Variants in SEC31B observed in about 807,000 individuals in gnomAD.
SEC31B encodes the protein protein transport protein Sec31B.
SEC31B carries 113 observed loss-of-function variants against 135.0 expected under a neutral mutation model. That is an observed-to-expected ratio of 0.84 (90% CI 0.72 to 0.98). The LOEUF is 0.98. Ranked by LOEUF, SEC31B falls within the 50% of genes least tolerant of loss-of-function variation. The pLI, the probability that SEC31B is intolerant of heterozygous loss-of-function variation, is 0.00. For synonymous variants in SEC31B, 508 were observed against 549.4 expected (o/e 0.92, Z 1.05); for missense variants, 1,296 against 1,421.1 (o/e 0.91, Z 1.42).
chr10:100,509,881 C>A (rs576851604), intron 3 of SEC31B, among the ~76,000 whole-genome samples: 1 of 152,284 alleles, frequency 6.6e-6, no homozygotes, highest in African/African-American at 2.4e-5. Flanking sequence ...GTAATAATAG[C>A]AACCACTTAC....
At chr10:100,508,809 A>T (rs1851682062) in intron 5 of SEC31B, 198 bp downstream of exon 5, 1 of 594,218 alleles carries the variant, frequency 1.7e-6, no homozygotes, top group Non-Finnish European at 3.0e-6. Context: ...GCACAAACCA[A>T]CTACCCCATA....
At chr10:100,497,906 G>A in intron 15 of SEC31B, 113 bp from the exon 16 acceptor site, 2 of 1,586,700 alleles carry the variant, frequency 1.3e-6, no homozygotes, top group East Asian at 2.2e-5. Context: ...GATGAGGTGG[G>A]GGTGGTTAGA....
rs1384464922 is a variant in SEC31B, at chr10:100,499,561, T to G, written c.1448A>C (p.Lys483Thr). ...CTCATCTTTACTGTATCCTAAAAGC[T>G]TTAGGAATTTCATTCTGGAGTCTTG... Reference protein sequence around the residue: ...LEQDSRMKFLKLLGYSKDELQ... With the variant: ...LEQDSRMKFLTLLGYSKDELQ... The change falls in exon 12 of 26, where the codon AAG (lysine) becomes ACG (threonine). Residue 483 changes from lysine (K) to threonine (T), a missense_variant. Physicochemically the swap from Lys to Thr is moderately conservative, Grantham distance 78. Coordinates refer to ENST00000370345, the MANE Select transcript of SEC31B (RefSeq NM_015490.4). 1.2e-6 allele frequency: 2 copies of G among 1,612,472 alleles called. No individual in the cohort carries two copies. The highest frequency in any genetic ancestry group is 3.4e-5 in the Admixed American group (2 of 59,662).
At chr10:100,508,837 A>G (rs1589739228) in intron 5 of SEC31B, 170 bp downstream of exon 5, 1 of 618,468 alleles carries the variant, frequency 1.6e-6, no homozygotes. Flanking sequence ...TCCACCCACC[A>G]GCCATCCTAA....
In SEC31B at chr10:100,489,302, A is replaced by G; in HGVS notation, c.3121T>C (p.Ser1041Pro). Residue 1041 changes from serine (S) to proline (P), a missense_variant, in exon 23 of 26, where the codon TCC becomes CCC. Physicochemically the swap from Ser to Pro is moderately conservative, Grantham distance 74. Transcript: ENST00000370345. ...CCTGGGGGAGCATGACTCACACTGGAGACAGGGGGCTGTGAGGGAAGAATC... is the reference window on the plus strand; with the variant it reads ...CCTGGGGGAGCATGACTCACACTGGGGACAGGGGGCTGTGAGGGAAGAATC... ...QGILPSQPPV[S>P]SVSHAPPGVP... 1 of 1,613,442 alleles carries G rather than the reference A, an allele frequency of 6.2e-7. No individual in the cohort carries two copies. Among genetic ancestry groups the G allele is most frequent in the Non-Finnish European group, 8.5e-7 (1 of 1,179,826 alleles).
At chr10:100,512,912 C>G (rs748098397) in intron 3 of SEC31B, among the ~76,000 whole-genome samples, 4 of 152,166 alleles carry the variant, frequency 2.6e-5, no homozygotes, top group Non-Finnish European at 5.9e-5. Context: ...GCCCAAGTCA[C>G]ACAGCTCTAT....
rs116253722 is a variant in SEC31B at position 100,492,791 on chromosome 10, T to C, written c.2473-1908A>G. Among the ~76,000 whole-genome samples the C allele has an allele frequency of 9.9e-3, 1,504 of 152,270 alleles. 24 individuals carry two copies. Among genetic ancestry groups the C allele is most frequent in the African/African-American group, 0.034 (1,394 of 41,552 alleles). On this transcript the variant is annotated intron_variant, in intron 19 of 25. Coordinates refer to ENST00000370345, the MANE Select transcript of SEC31B (RefSeq NM_015490.4). The stretch of plus-strand genomic sequence containing the variant: ...AATGAACAAGTGGAAACCAAGAAAT[T>C]TGATTTTAAACTGCTGAAGAAAAAA...
rs1851920201 is a variant in SEC31B at position 100,519,784 on chromosome 10, G to C, written c.-48C>G. ...CCAGACCGGCGGGGCGAACCAACCT[G>C]TGCGGAAGACCCCGGACAAGGGTCA... is the stretch of plus-strand genomic sequence containing the variant. On this transcript the variant is annotated splice_region_variant and 5_prime_UTR_variant, in exon 1 of 26. Coordinates refer to ENST00000370345, the MANE Select transcript of SEC31B (RefSeq NM_015490.4). 6.6e-6 allele frequency: 1 copy of C among 152,288 alleles called. No individual in the cohort carries two copies. The highest frequency in any genetic ancestry group is 2.1e-4 in the South Asian group (1 of 4,834). 9.4% of individuals were successfully genotyped at this position (152,288 alleles called of 1,614,324 possible).
intron 8 of SEC31B, 25 bp from the exon 9 acceptor site, chr10:100,506,226 G>A (rs1056679029): frequency 1.9e-6 from 3 of 1,614,102 alleles, no homozygotes. Context: ...CACACCATTA[G>A]GGACAGTCCA....
At chr10:100,491,464 AT>A (rs1166045531) in intron 19 of SEC31B, among the ~76,000 whole-genome samples, 2 of 152,230 alleles carry the variant, frequency 1.3e-5, no homozygotes, top group African/African-American at 2.4e-5. Context: ...ACACATCAAT[AT>A]TTCTCATGAA....
intron 2 of SEC31B, among the ~76,000 whole-genome samples, chr10:100,516,575 G>A (rs1851851284): frequency 6.7e-6 from 1 of 149,584 alleles, no homozygotes; most frequent in South Asian, 2.1e-4. Flanking sequence ...CATGAACCCA[G>A]GAGGCGGAGC....
At chr10:100,501,536 G>C (rs1283676240) in intron 11 of SEC31B, 1 of 152,202 alleles carries the variant, frequency 6.6e-6, no homozygotes, top group Admixed American at 6.6e-5. Context: ...TATGCCTAAA[G>C]CTCAAATTTC....
At position 100,507,440 on chromosome 10, in the gene SEC31B, A is replaced by C. The variant is rs760656542; in HGVS notation, c.767T>G (p.Leu256Arg). 1 of 1,614,222 alleles carries C rather than the reference A, an allele frequency of 6.2e-7. No homozygotes were observed. Among genetic ancestry groups the C allele is most frequent in the South Asian group, 1.1e-5 (1 of 91,086 alleles). Residue 256 changes from leucine to arginine, a missense_variant, in exon 7 of 26, where the codon CTG (leucine) becomes CGG (arginine). Leu to Arg is a moderately radical substitution (Grantham distance 102). Transcript: ENST00000370345. ...GAGATGCTACCTGCTGTGGCTCTCCAGCACCTTCAAGGGCGAGGAGGCAAA... is the reference window on the plus strand; with the variant it reads ...GAGATGCTACCTGCTGTGGCTCTCCCGCACCTTCAAGGGCGAGGAGGCAAA... ...LRFASSPLKVLESHSRGILSV... is the reference protein window; with the variant it reads ...LRFASSPLKVRESHSRGILSV...
chr10:100,507,497 C>T lies in SEC31B; in HGVS notation c.710G>A (p.Arg237Gln), dbSNP rs144995458. ...TQLVLCSEDDRLPVIQLWDLR... is the reference protein window; with the variant it reads ...TQLVLCSEDDQLPVIQLWDLR... ...GTCCCACAGCTGAATCACGGGAAGT[C>T]GATCATCCTCTGAGCACAGCACTAA... The change falls in exon 7 of 26, where the codon CGA becomes CAA. Residue 237 changes from arginine to glutamine, a missense_variant. Physicochemically the swap from Arg to Gln is conservative, Grantham distance 43 (BLOSUM62 1). Transcript: ENST00000370345. 129 of 1,614,202 alleles carry T rather than the reference C, an allele frequency of 8.0e-5. No homozygotes were observed. In the African/African-American group the frequency reaches 1.6e-3, roughly 20 times the overall value.
rs372010853 is a variant in SEC31B, at chr10:100,505,015, G to GTT, written c.1179+344_1179+345dup. Among the ~76,000 whole-genome samples, 1,041 of 148,612 alleles carry GTT rather than the reference G, an allele frequency of 7.0e-3. 12 individuals are homozygous for GTT. Among genetic ancestry groups the GTT allele is most frequent in the African/African-American group, 0.024 (966 of 40,496 alleles). On this transcript the variant is annotated intron_variant, in intron 10 of 25. Transcript: ENST00000370345. ...AACAGAGAAATGACAGAATAAAATG[G>GTT]TTTTTTTTTTGCCTTCTTTGTAGTT...
intron 3 of SEC31B, among the ~76,000 whole-genome samples, chr10:100,513,825 C>G (rs1013330844): frequency 4.0e-5 from 6 of 151,880 alleles, no homozygotes; most frequent in African/African-American, 1.5e-4. Context: ...TTATTAAATA[C>G]AAATATTTAT....
At chr10:100,489,980 A>T in intron 21 of SEC31B, 28 bp downstream of exon 21, 1 of 1,532,998 alleles carries the variant, frequency 6.5e-7, no homozygotes, top group South Asian at 1.3e-5. Flanking sequence ...AATAACCCAG[A>T]AGAGGGATCC....
chr10:100,499,739 T>C (rs1851481537), intron 11 of SEC31B, 141 bp from the exon 12 acceptor site: 1 of 631,674 alleles, frequency 1.6e-6, no homozygotes, highest in Non-Finnish European at 2.8e-6. Flanking sequence ...TCCAATGCCA[T>C]CTCTTTTTCC....
intron 19 of SEC31B, 24 bp downstream of exon 19, chr10:100,495,361 A>G (rs1289196116): frequency 6.2e-7 from 1 of 1,605,262 alleles, no homozygotes; most frequent in Admixed American, 1.7e-5. Context: ...GAATGAACAA[A>G]TGAATGAACA....
Sources: gnomAD v4.1 joint callset for allele counts (sites outside exome capture counted in the v4.1 genomes callset) on GRCh38, gnomAD v4.1.1 for gene constraint, MANE v1.5 for transcripts, NCBI Gene and HGNC (gene_info 2026-07-23, HGNC 2026-07-21) for gene names.